The following EFNA5 variants were observed in gnomAD, a reference collection of about 807,000 sequenced individuals.
EFNA5 encodes ephrin A5.
EFNA5 carries 5 observed loss-of-function variants against 22.9 expected under a neutral mutation model. That is an observed-to-expected ratio of 0.22 (90% CI 0.11 to 0.46). The LOEUF is 0.46. Among genes scored for constraint, EFNA5 ranks in the 20% least tolerant of loss-of-function variants. EFNA5 has a pLI of 0.99. For synonymous variants in EFNA5, 113 were observed against 112.2 expected (o/e 1.01, Z -0.04); for missense variants, 237 against 293.3 (o/e 0.81, Z 1.40).
chr5:107,434,086 T>C (rs1189891049), intron 1 of EFNA5, among the ~76,000 whole-genome samples: 1 of 152,206 alleles, frequency 6.6e-6, no homozygotes. Flanking sequence ...CATTGTTTGA[T>C]GACATTAGGT....
intron 1 of EFNA5, among the ~76,000 whole-genome samples, chr5:107,500,123 A>G (rs928438633): frequency 2.6e-5 from 4 of 152,130 alleles, no homozygotes; most frequent in Admixed American, 2.6e-4. Flanking sequence ...CCCAAATGCC[A>G]CTCTTGGATA....
rs1747812135 is a variant in EFNA5, at chr5:107,531,587, C to T, written c.126-104078G>A. ...GGAGGACGAAGAGGTAAGAATTAGC[C>T]CTTGACTACTGGTGAGCTCATGGCC... On this transcript the variant is annotated intron_variant, in intron 1 of 4. Coordinates refer to ENST00000333274, the MANE Select transcript of EFNA5 (RefSeq NM_001962.3). Among the ~76,000 whole-genome samples, 3 of 152,166 alleles carry T rather than the reference C, an allele frequency of 2.0e-5. 1 individual carries two copies. The South Asian group carries it at 6.2e-4, about 32-fold the overall frequency.
At chr5:107,476,755 C>CTCTG (rs1399701904) in intron 1 of EFNA5, among the ~76,000 whole-genome samples, 3 of 151,856 alleles carry the variant, frequency 2.0e-5, no homozygotes, top group African/African-American at 4.8e-5. Flanking sequence ...CTCTCTCTCT[C>CTCTG]TCTCTCACAG....
intron 1 of EFNA5, among the ~76,000 whole-genome samples, chr5:107,586,882 T>C (rs917813984): frequency 3.3e-5 from 5 of 152,218 alleles, no homozygotes; most frequent in Non-Finnish European, 7.3e-5. Flanking sequence ...AAAGAATACT[T>C]CAGAGTCTCT....
chr5:107,659,490 G>A (rs1580587059), intron 1 of EFNA5, among the ~76,000 whole-genome samples: 1 of 139,054 alleles, frequency 7.2e-6, no homozygotes, highest in Admixed American at 7.1e-5. Context: ...AGTTTTTTGG[G>A]TTTTCCTTTT....
intron 1 of EFNA5, among the ~76,000 whole-genome samples, chr5:107,528,596 T>G (rs1747746476): frequency 6.6e-6 from 1 of 152,164 alleles, no homozygotes; most frequent in African/African-American, 2.4e-5. Flanking sequence ...TCCATACACC[T>G]CTATTCTTGG....
chr5:107,476,056 A>ATATATATATATATATATATTTTTTTTTT (rs1454967869), intron 1 of EFNA5, among the ~76,000 whole-genome samples: 1 of 115,404 alleles, frequency 8.7e-6, no homozygotes, highest in African/African-American at 3.5e-5. Context: ...CTATATATAT[A>ATATATATATATATATATATTTTTTTTTT]TTTTTTTTTT....
At chr5:107,636,480 A>G (rs1212299479) in intron 1 of EFNA5, among the ~76,000 whole-genome samples, 1 of 152,254 alleles carries the variant, frequency 6.6e-6, no homozygotes, top group Non-Finnish European at 1.5e-5. Flanking sequence ...GGAAGCCATG[A>G]CAAGTTTTAA....
At position 107,476,057 on chromosome 5, in the gene EFNA5, T is replaced by TATATATATATATGTATATATATATATA; in HGVS notation, c.126-48549_126-48548insTATATATATATATACATATATATATAT. On this transcript the variant is annotated intron_variant, in intron 1 of 4. Coordinates refer to ENST00000333274, the MANE Select transcript of EFNA5 (RefSeq NM_001962.3). ...TGAGAGTTTTTAAACTATATATATA[T>TATATATATATATGTATATATATATATA]TTTTTTTTTTTGAGACAGAGTCTTG... 8.0e-5 allele frequency among the ~76,000 whole-genome samples: 8 copies of TATATATATATATGTATATATATATATA among 100,436 alleles called. 1 individual carries two copies. Among genetic ancestry groups the TATATATATATATGTATATATATATATA allele is most frequent in the African/African-American group, 4.0e-4 (8 of 20,018 alleles). 65.9% of individuals were successfully genotyped at this position (100,436 alleles called of 152,430 possible).
intron 1 of EFNA5, among the ~76,000 whole-genome samples, chr5:107,634,327 T>A (rs933747165): frequency 7.9e-5 from 12 of 152,154 alleles, no homozygotes; most frequent in Non-Finnish European, 8.8e-5. Flanking sequence ...GACCAGCCTG[T>A]GCAACCTAGA....
chr5:107,597,213 C>G (rs767841076), intron 1 of EFNA5, among the ~76,000 whole-genome samples: 6 of 152,082 alleles, frequency 3.9e-5, no homozygotes, highest in Non-Finnish European at 8.8e-5. Flanking sequence ...CATCTTAAAG[C>G]CTAAAATTAG....
At chr5:107,426,934 C>A in intron 2 of EFNA5, 1 of 327,192 alleles carries the variant, frequency 3.1e-6, no homozygotes, top group Non-Finnish European at 5.6e-6. Context: ...TTTTCCTGAG[C>A]TTTGGAGAAG....
At chr5:107,452,356 C>T (rs911339661) in intron 1 of EFNA5, among the ~76,000 whole-genome samples, 1 of 151,962 alleles carries the variant, frequency 6.6e-6, no homozygotes, top group Non-Finnish European at 1.5e-5. Flanking sequence ...AAAAGTCAGA[C>T]TTATACAGCT....
At chr5:107,664,931 G>C (rs762587513) in intron 1 of EFNA5, among the ~76,000 whole-genome samples, 1 of 151,548 alleles carries the variant, frequency 6.6e-6, no homozygotes, top group African/African-American at 2.4e-5. Flanking sequence ...TATTGCTACC[G>C]AAGTTATTCA....
At chr5:107,440,269 G>C (rs1010241658) in intron 1 of EFNA5, among the ~76,000 whole-genome samples, 2 of 152,264 alleles carry the variant, frequency 1.3e-5, no homozygotes. Flanking sequence ...GCACTTTAGA[G>C]GATTCTCAAG....
intron 1 of EFNA5, among the ~76,000 whole-genome samples, chr5:107,660,261 C>CTATATAT (rs1750917348): frequency 1.9e-5 from 1 of 52,452 alleles, no homozygotes; most frequent in Non-Finnish European, 3.9e-5. Flanking sequence ...ATGGCAAAAA[C>CTATATAT]ATATATATAT....
At position 107,446,909 on chromosome 5, in the gene EFNA5, TCTGTG is replaced by T. The variant is rs199960333; in HGVS notation, c.126-19405_126-19401del. 8.7e-3 allele frequency among the ~76,000 whole-genome samples: 1,320 copies of T among 152,312 alleles called. 15 individuals are homozygous for T. The highest frequency in any genetic ancestry group is 0.031 in the African/African-American group (1,278 of 41,568). The stretch of plus-strand genomic sequence containing the variant: ...CACAAAGGAAGGGTGGGCAGTTGCC[TCTGTG>T]AGGTAATTCTGGGACACAAAGGCCA... On this transcript the variant is annotated intron_variant, in intron 1 of 4. Coordinates refer to ENST00000333274, the MANE Select transcript of EFNA5 (RefSeq NM_001962.3).
chr5:107,421,968 T>C (rs147212389), intron 2 of EFNA5, among the ~76,000 whole-genome samples: 329 of 152,168 alleles, frequency 2.2e-3, no homozygotes, highest in Non-Finnish European at 4.0e-3. Context: ...ATTTTGCATT[T>C]TTAGTAGAGA....
At chr5:107,534,005 T>G (rs1268603051) in intron 1 of EFNA5, among the ~76,000 whole-genome samples, 2 of 152,202 alleles carry the variant, frequency 1.3e-5, no homozygotes, top group Admixed American at 6.5e-5. Context: ...TATTTTATGA[T>G]GCTATAAAGA....
Sources: gnomAD v4.1 joint callset for allele counts (sites outside exome capture counted in the v4.1 genomes callset) on GRCh38, gnomAD v4.1.1 for gene constraint, MANE v1.5 for transcripts, NCBI Gene and HGNC (gene_info 2026-07-23, HGNC 2026-07-21) for gene names.